The following MYH8 variants were observed in gnomAD, a reference collection of about 807,000 sequenced individuals.
MYH8 encodes the protein myosin-8.
A neutral mutation model predicts 233.2 loss-of-function variants in MYH8; 168 were observed. The observed-to-expected ratio is 0.72, with a 90% CI of 0.64 to 0.82. The LOEUF is 0.82. Ranked by LOEUF, MYH8 falls within the 40% of genes least tolerant of loss-of-function variation. The pLI, the probability that MYH8 is intolerant of heterozygous loss-of-function variation, is 0.00. For synonymous variants in MYH8, 785 were observed against 850.6 expected, an observed-to-expected ratio of 0.92 and a Z score of 1.34; for missense variants, 1,995 against 2,327.8, an observed-to-expected ratio of 0.86 and a Z score of 2.94.
intron 38 of MYH8, among the ~76,000 whole-genome samples, chr17:10,392,279 G>A (rs2072033146): frequency 6.6e-6 from 1 of 151,170 alleles, no homozygotes; most frequent in Admixed American, 6.6e-5. Context: ...CAAGAAGCAA[G>A]AGAGGCCAAA....
Position 10,419,660 on chromosome 17 carries a change from T to A in MYH8, c.210+358A>T, listed in dbSNP as rs961713877. On this transcript the variant is annotated intron_variant, in intron 3 of 39. Coordinates refer to ENST00000403437, the MANE Select transcript of MYH8 (RefSeq NM_002472.3). The surrounding 1 kb of genome is among the most constrained non-coding windows in gnomAD (Gnocchi z 4.0). ...TTTTTTCTTTCATTCATTAAGAAAC[T>A]TCATGTTTTTGGAAGTAATGGGGAT... 6.6e-6 allele frequency among the ~76,000 whole-genome samples: 1 copy of A among 152,172 alleles called. No homozygotes were observed. Among genetic ancestry groups the A allele is most frequent in the African/African-American group, 2.4e-5 (1 of 41,432 alleles).
intron 35 of MYH8, 119 bp from the exon 36 acceptor site, chr17:10,393,329 A>AT: frequency 7.4e-7 from 1 of 1,349,952 alleles, no homozygotes. Flanking sequence ...CTAAACTTTA[A>AT]TTATTTGTTC....
intron 33 of MYH8, among the ~76,000 whole-genome samples, chr17:10,395,707 T>C (rs1420231159): frequency 6.6e-6 from 1 of 152,064 alleles, no homozygotes; most frequent in African/African-American, 2.4e-5. Flanking sequence ...TCATGTATAG[T>C]AAATATAAAT....
intron 39 of MYH8, among the ~76,000 whole-genome samples, chr17:10,390,917 A>G (rs142361018): frequency 6.6e-5 from 10 of 152,356 alleles, no homozygotes; most frequent in Admixed American, 6.5e-4. Context: ...GCCAAATTAT[A>G]ATTGGGGAAA....
At position 10,418,628 on chromosome 17, in the gene MYH8, A is replaced by T. The variant is rs771322820; in HGVS notation, c.511+17T>A. The T allele has an allele frequency of 2.4e-5, 39 of 1,613,788 alleles. No homozygotes were observed. On this transcript the variant is annotated intron_variant, in intron 5 of 39. Transcript: ENST00000403437. ...TCTATTTACACATTTCTGTAAATAG[A>T]TGCCTCACTCACTCACCAGTCAACA... is the stretch of plus-strand genomic sequence containing the variant.
rs541648444 is a variant in MYH8, at chr17:10,392,620, T to C, written c.5490A>G (p.Glu1830=). The change falls in exon 38 of 40, where the codon GAA becomes GAG. Residue 1830 remains glutamate, a synonymous_variant. Coordinates refer to ENST00000403437, the MANE Select transcript of MYH8 (RefSeq NM_002472.3). ...CCTCTGCATTACGTTTCTGTTCATT[T>C]TCAACCTCTCCTTCAAGCTCACGTA... The part of the protein sequence containing the change: ...ARVRELEGEV[E]NEQKRNAEAV... 4 of 1,614,176 alleles carry C rather than the reference T, an allele frequency of 2.5e-6. No homozygotes were observed. The East Asian group carries it at 6.7e-5, about 27-fold the overall frequency.
chr17:10,416,610 CTTG>C (rs955423114), intron 5 of MYH8, among the ~76,000 whole-genome samples: 33 of 152,120 alleles, frequency 2.2e-4, no homozygotes, highest in Admixed American at 2.0e-3. Context: ...CTTGTCAAAA[CTTG>C]TTATTTTCTG....
At chr17:10,420,394 A>T (rs1209574212) in intron 2 of MYH8, 137 bp from the exon 3 acceptor site, 1 of 774,988 alleles carries the variant, frequency 1.3e-6, no homozygotes, top group Admixed American at 2.1e-5. Flanking sequence ...CCAGTGTTCT[A>T]ACATAGTCTA....
chr17:10,402,631 G>GCACA (rs147224739), intron 22 of MYH8, among the ~76,000 whole-genome samples: 30 of 149,834 alleles, frequency 2.0e-4, no homozygotes, highest in South Asian at 1.3e-3. Flanking sequence ...ACATGTGCAC[G>GCACA]CACACACACA....
At chr17:10,416,600 C>A (rs1307480248) in intron 5 of MYH8, among the ~76,000 whole-genome samples, 2 of 152,112 alleles carry the variant, frequency 1.3e-5, no homozygotes, top group African/African-American at 4.8e-5. Flanking sequence ...TTCTCCAGTT[C>A]TTGTCAAAAC....
rs1302473205 is a variant in MYH8 at position 10,399,597 on chromosome 17, G to T, written c.3808C>A (p.Gln1270Lys). 2 of 1,613,984 alleles carry T rather than the reference G, an allele frequency of 1.2e-6. No homozygotes were observed. Among genetic ancestry groups the T allele is most frequent in the African/African-American group, 2.7e-5 (2 of 74,922 alleles). The stretch of plus-strand genomic sequence containing the variant: ...GCTGTGAGGTCATTGATCAGCCGCT[G>T]CTGCTCCTCTTCCTTGGTCTTAAGC... Reference protein sequence around the residue: ...SELKTKEEEQQRLINDLTAQR... With the variant: ...SELKTKEEEQKRLINDLTAQR... The change falls in exon 28 of 40, where the codon CAG becomes AAG. Residue 1270 changes from glutamine to lysine, a missense_variant. Physicochemically the swap from Gln to Lys is moderately conservative, Grantham distance 53 (BLOSUM62 1). Around this residue, in one of 3 missense-constraint regions of MYH8, gnomAD observed 1,498 missense variants for 1,680.9 expected, o/e 0.89. Coordinates refer to ENST00000403437, the MANE Select transcript of MYH8 (RefSeq NM_002472.3).
At chr17:10,401,965 A>G (rs569304012) in intron 22 of MYH8, among the ~76,000 whole-genome samples, 180 bp from the exon 23 acceptor site, 86 of 152,298 alleles carry the variant, frequency 5.6e-4, no homozygotes, top group African/African-American at 2.0e-3. Context: ...TGGAAGTGAG[A>G]CTATAGCTTT....
intron 35 of MYH8, 52 bp downstream of exon 35, chr17:10,394,197 C>G: frequency 6.2e-7 from 1 of 1,608,700 alleles, no homozygotes; most frequent in East Asian, 2.2e-5. Context: ...TGTTATAATT[C>G]GAATGCATCA....
At chr17:10,418,581 G>A (rs2142191921) in intron 5 of MYH8, 64 bp downstream of exon 5, 2 of 1,611,696 alleles carry the variant, frequency 1.2e-6, no homozygotes, top group Middle Eastern at 2.2e-4. Context: ...GCTCGGAAGA[G>A]GTCTGTCTGT....
At chr17:10,393,675 T>C (rs896824210) in intron 35 of MYH8, among the ~76,000 whole-genome samples, 4 of 152,226 alleles carry the variant, frequency 2.6e-5, no homozygotes, top group Admixed American at 2.6e-4. Flanking sequence ...TTCAACTCAG[T>C]GTTTCTAGAG....
chr17:10,406,403 C>A lies in MYH8; in HGVS notation c.2172-6G>T. 1 of 1,613,828 alleles carries A rather than the reference C, an allele frequency of 6.2e-7. No individual in the cohort carries two copies. Among genetic ancestry groups the A allele is most frequent in the South Asian group, 1.1e-5 (1 of 91,058 alleles). On this transcript the variant is annotated splice_polypyrimidine_tract_variant and splice_region_variant and intron_variant, in intron 19 of 39. Transcript: ENST00000403437. ...TTGCATTTAAAACCTTGTATCTGCTCAGTTAAAGAAAGAAAGAATGGTTAG... is the reference window on the plus strand; with the variant it reads ...TTGCATTTAAAACCTTGTATCTGCTAAGTTAAAGAAAGAAAGAATGGTTAG...
chr17:10,392,052 T>A (rs1036405060), intron 38 of MYH8, 75 bp from the exon 39 acceptor site: 1 of 1,265,460 alleles, frequency 7.9e-7, no homozygotes, highest in Admixed American at 1.7e-5. Flanking sequence ...ATAAAATCAT[T>A]TGGCATGATG....
rs993854830 is a variant in MYH8, at chr17:10,401,267, G to A, written c.3108+8C>T. ...AATCTTTCAAAGGGATATTTAAAATGTGCTTACATCATCCACTTGCTGTTC... is the reference window on the plus strand; with the variant it reads ...AATCTTTCAAAGGGATATTTAAAATATGCTTACATCATCCACTTGCTGTTC... On this transcript the variant is annotated splice_region_variant and intron_variant, in intron 24 of 39. Transcript: ENST00000403437. 1 of 1,614,120 alleles carries A rather than the reference G, an allele frequency of 6.2e-7. No homozygotes were observed. The highest frequency in any genetic ancestry group is 8.5e-7 in the Non-Finnish European group (1 of 1,180,022).
rs1459043157 is a variant in MYH8, at chr17:10,404,329, C to T, written c.2688+1G>A. 1 of 1,613,876 alleles carries T rather than the reference C, an allele frequency of 6.2e-7. No homozygotes were observed. The highest frequency in any genetic ancestry group is 1.7e-5 in the Admixed American group (1 of 60,020). ...GTGCATTCAGAATATGGAGTACTCA[C>T]AGATTGAACCTGGAGTTGCAGGTCA... On this transcript the variant is annotated splice_donor_variant, in intron 22 of 39. Coordinates refer to ENST00000403437, the MANE Select transcript of MYH8 (RefSeq NM_002472.3). LOFTEE classifies it high-confidence loss of function.
Sources: gnomAD v4.1 joint callset for allele counts (sites outside exome capture counted in the v4.1 genomes callset) on GRCh38, gnomAD v4.1.1 for gene constraint, gnomAD v4.1.1 regional missense constraint, Gnocchi (gnomAD v3.1) non-coding constraint, MANE v1.5 for transcripts, NCBI Gene and HGNC (gene_info 2026-07-23, HGNC 2026-07-21) for gene names.